Variants in TBC1D32 observed in about 807,000 individuals in gnomAD.
TBC1D32 encodes the protein TBC1 domain family member 32, also known as protein broad-minded.
TBC1D32 carries 151 observed loss-of-function variants against 170.3 expected under a neutral mutation model. That is an observed-to-expected ratio of 0.89 (90% CI 0.78 to 1.01). The LOEUF is 1.01. TBC1D32 is among the 50% of genes least tolerant of loss of function. The probability of loss-of-function intolerance (pLI) is 0.00; values close to 1 mark genes in which losing one functional copy is unlikely to be tolerated. For synonymous variants in TBC1D32, 498 were observed against 488.0 expected (o/e 1.02, Z -0.27); for missense variants, 1,464 against 1,457.1 (o/e 1.00, Z -0.08).
intron 22 of TBC1D32, 112 bp from the exon 23 acceptor site, chr6:121,161,168 T>A: frequency 1.3e-6 from 1 of 777,340 alleles, no homozygotes. Flanking sequence ...ATCAATCTAT[T>A]TCTTTTTCTT....
At chr6:121,117,785 T>G (rs1317331622) in intron 26 of TBC1D32, among the ~76,000 whole-genome samples, 1 of 152,184 alleles carries the variant, frequency 6.6e-6, no homozygotes, top group Non-Finnish European at 1.5e-5. Flanking sequence ...AATAAATCAC[T>G]GTATATCATT....
At chr6:121,140,803 T>A (rs1413539639) in intron 24 of TBC1D32, among the ~76,000 whole-genome samples, 2 of 152,126 alleles carry the variant, frequency 1.3e-5, no homozygotes, top group African/African-American at 4.8e-5. Flanking sequence ...AATAAAGGTG[T>A]CTACTTCATG....
intron 10 of TBC1D32, 100 bp downstream of exon 10, chr6:121,299,346 A>G (rs1806114204): frequency 1.5e-6 from 2 of 1,293,382 alleles, no homozygotes; most frequent in African/African-American, 3.0e-5. Flanking sequence ...TCATTATCCA[A>G]TATTAATTAT....
chr6:121,154,320 C>A (rs1784597220), intron 24 of TBC1D32, among the ~76,000 whole-genome samples: 1 of 152,162 alleles, frequency 6.6e-6, no homozygotes, highest in Non-Finnish European at 1.5e-5. Flanking sequence ...GTGGGCTTCA[C>A]CCACTGTCTA....
At chr6:121,264,050 A>G (rs1800125692) in intron 15 of TBC1D32, among the ~76,000 whole-genome samples, 1 of 151,730 alleles carries the variant, frequency 6.6e-6, no homozygotes, top group Non-Finnish European at 1.5e-5. Flanking sequence ...GAGCAAACAA[A>G]TACAAAAGCT....
chr6:121,318,885 T>C lies in TBC1D32; in HGVS notation c.318-1213A>G, dbSNP rs1047352812. Among the ~76,000 whole-genome samples, 67 of 151,374 alleles carry C rather than the reference T, an allele frequency of 4.4e-4. 1 individual carries two copies. Among genetic ancestry groups the C allele is most frequent in the Non-Finnish European group, 2.2e-4 (15 of 67,794 alleles). On this transcript the variant is annotated intron_variant, in intron 2 of 31. Transcript: ENST00000398212. ...TCCTTTTCTGTATAATTCTGAATAA[T>C]GCGTCATTGCAACTCTATAAATCAA... is the stretch of plus-strand genomic sequence containing the variant.
At chr6:121,222,648 T>C (rs1794655063) in intron 21 of TBC1D32, among the ~76,000 whole-genome samples, 1 of 145,806 alleles carries the variant, frequency 6.9e-6, no homozygotes, top group African/African-American at 2.5e-5. Flanking sequence ...AAAATTTCAA[T>C]ATCAAGTCTT....
In TBC1D32 at chr6:121,079,763, T is replaced by G. The variant is rs1190758975; in HGVS notation, c.*1008A>C. The G allele has an allele frequency of 2.0e-5, 3 of 152,178 alleles. No individual in the cohort carries two copies. The highest frequency in any genetic ancestry group is 2.9e-5 in the Non-Finnish European group (2 of 67,998). 9.4% of individuals were successfully genotyped at this position (152,178 alleles called of 1,614,324 possible). A position where few individuals can be genotyped will look rare whatever the true frequency, so the allele number is the denominator to read the frequency against. On this transcript the variant is annotated 3_prime_UTR_variant, in exon 32 of 32. Coordinates refer to ENST00000398212, the MANE Select transcript of TBC1D32 (RefSeq NM_152730.6). ...AGCCATTTAAAATAATTTAGAAATG[T>G]ATTCTCCTTTATATTTTCAAGTTCA...
chr6:121,175,280 G>T (rs1787612604), intron 22 of TBC1D32, among the ~76,000 whole-genome samples: 1 of 152,126 alleles, frequency 6.6e-6, no homozygotes, highest in Non-Finnish European at 1.5e-5. Flanking sequence ...GAAAAGAGAG[G>T]TCTACAGGAT....
chr6:121,244,650 G>A (rs74473054), intron 17 of TBC1D32, among the ~76,000 whole-genome samples: 2,880 of 152,124 alleles, frequency 0.019, 34 homozygotes, highest in South Asian at 0.042. Flanking sequence ...TACTTATTGG[G>A]CCAAGTGCTC....
At chr6:121,268,540 C>T (rs575130792) in intron 15 of TBC1D32, among the ~76,000 whole-genome samples, 14 of 152,094 alleles carry the variant, frequency 9.2e-5, no homozygotes, top group South Asian at 2.1e-4. Flanking sequence ...CATGAAATTA[C>T]GCAAGAAGAG....
chr6:121,268,541 G>A (rs112182833), intron 15 of TBC1D32, among the ~76,000 whole-genome samples: 347 of 152,236 alleles, frequency 2.3e-3, no homozygotes, highest in Non-Finnish European at 3.9e-3. Flanking sequence ...ATGAAATTAC[G>A]CAAGAAGAGA....
At chr6:121,200,481 A>G (rs1791397548) in intron 22 of TBC1D32, among the ~76,000 whole-genome samples, 2 of 151,750 alleles carry the variant, frequency 1.3e-5, no homozygotes, top group South Asian at 4.1e-4. Flanking sequence ...AATGGTTAAG[A>G]AAAGTTTAAG....
At chr6:121,122,644 G>A (rs1413073797) in intron 26 of TBC1D32, among the ~76,000 whole-genome samples, 2 of 151,824 alleles carry the variant, frequency 1.3e-5, no homozygotes, top group Non-Finnish European at 2.9e-5. Context: ...AAACTTCCCA[G>A]ATCCTTTTTC....
chr6:121,320,931 GA>G (rs1017623614), intron 2 of TBC1D32, among the ~76,000 whole-genome samples: 1 of 151,374 alleles, frequency 6.6e-6, no homozygotes, highest in Non-Finnish European at 1.5e-5. Context: ...ACACTGACGA[GA>G]AAAAAAAATT....
intron 30 of TBC1D32, among the ~76,000 whole-genome samples, chr6:121,102,932 C>T (rs1460475410): frequency 6.6e-5 from 10 of 152,086 alleles, no homozygotes; most frequent in Admixed American, 6.6e-4. Context: ...AGGATATGAA[C>T]AGACACTTCT....
intron 17 of TBC1D32, among the ~76,000 whole-genome samples, chr6:121,244,246 C>A (rs960283944): frequency 1.3e-5 from 2 of 151,736 alleles, no homozygotes; most frequent in African/African-American, 4.8e-5. Context: ...AAAATGTAAT[C>A]ATAAGTCATT....
chr6:121,154,464 T>C (rs1413780367), intron 24 of TBC1D32, among the ~76,000 whole-genome samples: 1 of 152,192 alleles, frequency 6.6e-6, no homozygotes, highest in Non-Finnish European at 1.5e-5. Flanking sequence ...TCAGATTATT[T>C]GTTTTTTACT....
chr6:121,171,559 T>A (rs534038631), intron 22 of TBC1D32, among the ~76,000 whole-genome samples: 2 of 152,230 alleles, frequency 1.3e-5, no homozygotes, highest in African/African-American at 4.8e-5. Context: ...TTTATATGTA[T>A]CAGATATTTG....
Sources: gnomAD v4.1 joint callset for allele counts (sites outside exome capture counted in the v4.1 genomes callset) on GRCh38, gnomAD v4.1.1 for gene constraint, MANE v1.5 for transcripts, NCBI Gene and HGNC (gene_info 2026-07-23, HGNC 2026-07-21) for gene names.